The following BAIAP2L1 variants were observed in gnomAD, a reference collection of about 807,000 sequenced individuals.
BAIAP2L1 encodes BAR/IMD domain-containing adapter protein 2-like 1.
A neutral mutation model predicts 66.3 loss-of-function variants in BAIAP2L1; 35 were observed. The observed-to-expected ratio is 0.53, with a 90% CI of 0.40 to 0.70. The LOEUF (loss-of-function observed/expected upper bound fraction) is 0.70, where lower values mean the gene tolerates loss of function less well. Among genes scored for constraint, BAIAP2L1 ranks in the 30% least tolerant of loss-of-function variants. The pLI, the probability that BAIAP2L1 is intolerant of heterozygous loss-of-function variation, is 0.00. For synonymous variants in BAIAP2L1, 269 were observed against 248.7 expected (o/e 1.08, Z -0.77); for missense variants, 622 against 656.9 (o/e 0.95, Z 0.58).
At chr7:98,343,008 A>C (rs1399061988) in intron 3 of BAIAP2L1, among the ~76,000 whole-genome samples, 1 of 151,822 alleles carries the variant, frequency 6.6e-6, no homozygotes, top group Admixed American at 6.6e-5. Flanking sequence ...TAACTTTATC[A>C]CACGTGATAA....
chr7:98,374,955 T>C (rs1447497131), intron 1 of BAIAP2L1, among the ~76,000 whole-genome samples: 1 of 151,966 alleles, frequency 6.6e-6, no homozygotes, highest in Non-Finnish European at 1.5e-5. Flanking sequence ...GGCGTAGCAG[T>C]GTGTACCTGT....
At chr7:98,398,876 G>A (rs753072447) in intron 1 of BAIAP2L1, among the ~76,000 whole-genome samples, 1 of 152,160 alleles carries the variant, frequency 6.6e-6, no homozygotes, top group African/African-American at 2.4e-5. Context: ...GATACACAGG[G>A]CTGTTCTTGG....
In BAIAP2L1 at chr7:98,310,686, C is replaced by CTATT. The variant is rs3062609; in HGVS notation, c.808-98_808-95dup. ...CTGTTTTTTTTTTTTAAATAATAGG[C>CTATT]TATTTATTTATTTATTTTGAGACAG... is the stretch of plus-strand genomic sequence containing the variant. On this transcript the variant is annotated intron_variant, in intron 8 of 13. Coordinates refer to ENST00000005260, the MANE Select transcript of BAIAP2L1 (RefSeq NM_018842.5). 7,172 of 799,624 alleles carry CTATT rather than the reference C, an allele frequency of 9.0e-3. 305 individuals carry two copies. In the African/African-American group the frequency reaches 0.1, roughly 11 times the overall value. 49.5% of individuals were successfully genotyped at this position (799,624 alleles called of 1,614,324 possible).
chr7:98,391,515 C>T (rs752089288), intron 1 of BAIAP2L1, among the ~76,000 whole-genome samples: 43 of 151,836 alleles, frequency 2.8e-4, no homozygotes, highest in Non-Finnish European at 5.0e-4. Flanking sequence ...AGAGACCGTC[C>T]TGGCTAACAG....
intron 12 of BAIAP2L1, among the ~76,000 whole-genome samples, chr7:98,301,456 T>G (rs1243433364): frequency 1.4e-5 from 2 of 146,340 alleles, no homozygotes; most frequent in Non-Finnish European, 3.0e-5. Context: ...CCTGAAAGCC[T>G]TCTAGCTTTT....
chr7:98,370,964 T>C (rs1802499118), intron 1 of BAIAP2L1, among the ~76,000 whole-genome samples: 2 of 152,158 alleles, frequency 1.3e-5, no homozygotes, highest in African/African-American at 4.8e-5. Flanking sequence ...GACACACTTG[T>C]GAATAGAAAG....
chr7:98,351,354 C>G (rs1221430484), intron 3 of BAIAP2L1, among the ~76,000 whole-genome samples: 2 of 152,246 alleles, frequency 1.3e-5, no homozygotes, highest in South Asian at 4.1e-4. Flanking sequence ...CCAGAGATGC[C>G]GACGTGGGGG....
At chr7:98,345,602 G>A (rs1260690420) in intron 3 of BAIAP2L1, among the ~76,000 whole-genome samples, 4 of 152,038 alleles carry the variant, frequency 2.6e-5, no homozygotes, top group African/African-American at 9.7e-5. Context: ...GGGGGGTACT[G>A]TAGTCCCAGC....
chr7:98,389,479 C>T (rs550048174), intron 1 of BAIAP2L1, among the ~76,000 whole-genome samples: 4 of 152,078 alleles, frequency 2.6e-5, no homozygotes, highest in South Asian at 2.1e-4. Flanking sequence ...CCACCATGCC[C>T]GGCTGATTTT....
intron 3 of BAIAP2L1, among the ~76,000 whole-genome samples, chr7:98,324,293 A>G (rs1801325666): frequency 6.6e-6 from 1 of 152,230 alleles, no homozygotes; most frequent in Admixed American, 6.5e-5. Flanking sequence ...TTCTGCCATC[A>G]ATTTTTCCTC....
At chr7:98,316,358 C>T (rs529049088) in intron 6 of BAIAP2L1, among the ~76,000 whole-genome samples, 1 of 152,260 alleles carries the variant, frequency 6.6e-6, no homozygotes, top group South Asian at 2.1e-4. Context: ...ACCTAAGCCT[C>T]ATTTTCCCCA....
At chr7:98,294,798 C>T (rs1483054755) in intron 12 of BAIAP2L1, among the ~76,000 whole-genome samples, 2 of 152,198 alleles carry the variant, frequency 1.3e-5, no homozygotes, top group Non-Finnish European at 2.9e-5. Context: ...GTAGGAAGCT[C>T]AAACTGAGGA....
rs560502741 is a variant in BAIAP2L1, at chr7:98,335,009, C to T, written c.215-14711G>A. ...TCTACTAAAAATACAAAAAAGTAGC[C>T]GGGCGTGGTGGCGGGTGCCTGTAGT... On this transcript the variant is annotated intron_variant, in intron 3 of 13. Coordinates refer to ENST00000005260, the MANE Select transcript of BAIAP2L1 (RefSeq NM_018842.5). Among the ~76,000 whole-genome samples the T allele has an allele frequency of 1.0e-4, 15 of 150,270 alleles. No individual in the cohort carries two copies. The East Asian group carries it at 2.6e-3, about 26-fold the overall frequency.
At chr7:98,400,277 CA>C (rs1248068241) in intron 1 of BAIAP2L1, 1 of 63,890 alleles carries the variant, frequency 1.6e-5, no homozygotes, top group African/African-American at 6.6e-5. Flanking sequence ...GGAGAAGGGA[CA>C]GGGGAGGCGG....
At chr7:98,359,745 GTTTTT>G (rs780836343) in intron 2 of BAIAP2L1, among the ~76,000 whole-genome samples, 2 of 109,026 alleles carry the variant, frequency 1.8e-5, no homozygotes, top group Non-Finnish European at 3.6e-5. Context: ...GTAGACCTGG[GTTTTT>G]TTTTTTTTTT....
chr7:98,380,286 C>CAGTG, intron 1 of BAIAP2L1, among the ~76,000 whole-genome samples: 1 of 152,032 alleles, frequency 6.6e-6, no homozygotes, highest in East Asian at 1.9e-4. Flanking sequence ...CCATGTTGCC[C>CAGTG]AGTGTATCAG....
At chr7:98,307,486 A>G in intron 10 of BAIAP2L1, 2 of 1,427,460 alleles carry the variant, frequency 1.4e-6, no homozygotes, top group Non-Finnish European at 1.8e-6. Flanking sequence ...ATAACTATGC[A>G]TGCACCAAAT....
At chr7:98,367,984 A>G (rs920834827) in intron 1 of BAIAP2L1, among the ~76,000 whole-genome samples, 2 of 152,140 alleles carry the variant, frequency 1.3e-5, no homozygotes, top group African/African-American at 4.8e-5. Flanking sequence ...CATCACCGCA[A>G]GTAAAATACG....
At chr7:98,304,129 G>C in intron 12 of BAIAP2L1, 67 bp downstream of exon 12, 2 of 1,463,092 alleles carry the variant, frequency 1.4e-6, no homozygotes, top group Non-Finnish European at 1.8e-6. Flanking sequence ...GTCACCACAG[G>C]ACCTGCGCCT....
Sources: allele counts gnomAD v4.1 joint callset (sites outside exome capture counted in the v4.1 genomes callset), GRCh38; gene constraint gnomAD v4.1.1; transcripts MANE v1.5; gene names NCBI Gene and HGNC (gene_info 2026-07-23, HGNC 2026-07-21).